The following NEDD4L variants were observed in gnomAD, a reference collection of about 807,000 sequenced individuals.
The protein encoded by NEDD4L is E3 ubiquitin-protein ligase NEDD4-like.
NEDD4L carries 54 observed loss-of-function variants against 148.9 expected under a neutral mutation model. The ratio of observed to expected loss-of-function variants is 0.36; its 90% confidence interval spans 0.29 to 0.45. The LOEUF (loss-of-function observed/expected upper bound fraction) is 0.45, where lower values mean the gene tolerates loss of function less well. Ranked by LOEUF, NEDD4L falls within the 20% of genes least tolerant of loss-of-function variation. The pLI is 1.00. For synonymous variants in NEDD4L, 433 were observed against 440.7 expected, an observed-to-expected ratio of 0.98 and a Z score of 0.22; for missense variants, 856 against 1,233.8, an observed-to-expected ratio of 0.69 and a Z score of 4.59.
intron 1 of NEDD4L, among the ~76,000 whole-genome samples, chr18:58,048,436 G>T (rs1385595573): frequency 2.6e-5 from 4 of 152,162 alleles, no homozygotes; most frequent in Admixed American, 2.6e-4. Flanking sequence ...ACTGTGTGAG[G>T]TAGGCTGTGA....
chr18:58,234,603 G>T (rs567448402), intron 2 of NEDD4L, among the ~76,000 whole-genome samples: 9 of 152,080 alleles, frequency 5.9e-5, no homozygotes, highest in African/African-American at 2.2e-4. Flanking sequence ...CCAAAGGGGC[G>T]AGATTACAGG....
intron 24 of NEDD4L, among the ~76,000 whole-genome samples, chr18:58,374,639 A>G (rs114527969): frequency 0.02 from 3,028 of 151,840 alleles, 108 homozygotes; most frequent in African/African-American, 0.07. Flanking sequence ...TGGTGTCTCC[A>G]GCCCTGTCTA....
intron 5 of NEDD4L, among the ~76,000 whole-genome samples, chr18:58,288,613 A>C (rs905916157): frequency 2.0e-5 from 3 of 152,238 alleles, no homozygotes; most frequent in African/African-American, 7.2e-5. Context: ...AGAGAAAGGA[A>C]ATTTTGGTTA....
intron 16 of NEDD4L, among the ~76,000 whole-genome samples, chr18:58,346,005 C>T (rs559847606): frequency 6.6e-6 from 1 of 151,758 alleles, no homozygotes; most frequent in East Asian, 1.9e-4. Context: ...GTGATCCTGC[C>T]GCTTCGGCCT....
At chr18:58,077,951 A>C (rs1417708695) in intron 1 of NEDD4L, among the ~76,000 whole-genome samples, 1 of 151,756 alleles carries the variant, frequency 6.6e-6, no homozygotes, top group African/African-American at 2.4e-5. Context: ...AATGCACCGG[A>C]CAGCCCCACA....
At chr18:58,240,080 G>T (rs2046456752) in intron 2 of NEDD4L, among the ~76,000 whole-genome samples, 1 of 152,132 alleles carries the variant, frequency 6.6e-6, no homozygotes, top group Admixed American at 6.5e-5. Flanking sequence ...GACTCCTTAT[G>T]ACTTCATTTT....
At position 58,389,117 on chromosome 18, in the gene NEDD4L, G is replaced by T; in HGVS notation, c.2580G>T (p.Val860=). 1 of 1,614,018 alleles carries T rather than the reference G, an allele frequency of 6.2e-7. No homozygotes were observed. The highest frequency in any genetic ancestry group is 8.5e-7 in the Non-Finnish European group (1 of 1,179,880). Residue 860 remains valine (V), a synonymous_variant, in exon 28 of 31, where the codon GTG becomes GTT. Coordinates refer to ENST00000400345, the MANE Select transcript of NEDD4L (RefSeq NM_001144967.3). ...TGTGCGGCCTCGGTGATGTGGATGTGAATGACTGGAGACAGCATTCTATTT... is the reference window on the plus strand; with the variant it reads ...TGTGCGGCCTCGGTGATGTGGATGTTAATGACTGGAGACAGCATTCTATTT... ...LLMCGLGDVD[V]NDWRQHSIYK...
At chr18:58,354,614 T>A (rs1015549714) in intron 18 of NEDD4L, among the ~76,000 whole-genome samples, 2 of 152,304 alleles carry the variant, frequency 1.3e-5, no homozygotes, top group African/African-American at 4.8e-5. Flanking sequence ...ATTAAAAAAA[T>A]AATGCACTAA....
At chr18:58,218,472 C>T (rs1357615435) in intron 2 of NEDD4L, among the ~76,000 whole-genome samples, 1 of 152,208 alleles carries the variant, frequency 6.6e-6, no homozygotes, top group Non-Finnish European at 1.5e-5. Flanking sequence ...AGCATCCTCT[C>T]CTACTGCCAG....
intron 2 of NEDD4L, among the ~76,000 whole-genome samples, chr18:58,174,530 G>A (rs542508945): frequency 1.3e-5 from 2 of 152,274 alleles, no homozygotes; most frequent in South Asian, 2.1e-4. Flanking sequence ...TTGTAGGAAG[G>A]TTGTTTCGCT....
At chr18:58,198,053 TAAAG>T (rs1196080561) in intron 2 of NEDD4L, among the ~76,000 whole-genome samples, 2 of 152,214 alleles carry the variant, frequency 1.3e-5, no homozygotes, top group East Asian at 3.9e-4. Context: ...CACCCCTACA[TAAAG>T]GAAAGAGCTG....
At chr18:58,155,294 G>T (rs1599169804) in intron 1 of NEDD4L, among the ~76,000 whole-genome samples, 1 of 140,248 alleles carries the variant, frequency 7.1e-6, no homozygotes, top group South Asian at 2.3e-4. Flanking sequence ...GAGACAATTT[G>T]ACTTTGATAG....
chr18:58,165,575 C>G (rs777759852), intron 1 of NEDD4L: 64 of 880,184 alleles, frequency 7.3e-5, no homozygotes, highest in Non-Finnish European at 8.4e-5. Flanking sequence ...GCTTAATTAA[C>G]TTGGATGTTC....
intron 1 of NEDD4L, among the ~76,000 whole-genome samples, chr18:58,126,294 G>T (rs1039086468): frequency 6.6e-6 from 1 of 152,192 alleles, no homozygotes; most frequent in African/African-American, 2.4e-5. Context: ...ATGACTTTGT[G>T]ATTCCCTGTT....
Position 58,325,039 on chromosome 18 carries a change from A to G in NEDD4L, c.557A>G (p.His186Arg), listed in dbSNP as rs752252065. 6.2e-7 allele frequency: 1 copy of G among 1,614,032 alleles called. No individual in the cohort carries two copies. The highest frequency in any genetic ancestry group is 2.2e-5 in the East Asian group (1 of 44,886). Residue 186 changes from histidine (H) to arginine (R), a missense_variant, in exon 9 of 31, where the codon CAC becomes CGC. By Grantham distance (29) the His-to-Arg change is conservative (BLOSUM62 0). This residue lies in a region of NEDD4L where 193 missense variants were observed against 244.2 expected (regional missense o/e 0.79). Coordinates refer to ENST00000400345, the MANE Select transcript of NEDD4L (RefSeq NM_001144967.3). The stretch of plus-strand genomic sequence containing the variant: ...GACTCAAATGACTCGGCTTCTCAGC[A>G]CCAAGAGGAACTTCCTCCTCCTCCT... Reference protein sequence around the residue: ...VVDSNDSASQHQEELPPPPLP... With the variant: ...VVDSNDSASQRQEELPPPPLP...
chr18:58,184,784 T>C (rs967922966), intron 2 of NEDD4L, among the ~76,000 whole-genome samples: 44 of 151,994 alleles, frequency 2.9e-4, no homozygotes, highest in African/African-American at 8.2e-4. Context: ...AAAAATTAGC[T>C]GGGCATGGCG....
At chr18:58,273,102 A>G (rs2051314066) in intron 5 of NEDD4L, among the ~76,000 whole-genome samples, 2 of 152,332 alleles carry the variant, frequency 1.3e-5, no homozygotes, top group Admixed American at 1.3e-4. Context: ...TGCGCTGGGA[A>G]GAGAGTCAGA....
At chr18:58,127,902 A>G (rs2031424578) in intron 1 of NEDD4L, among the ~76,000 whole-genome samples, 1 of 151,536 alleles carries the variant, frequency 6.6e-6, no homozygotes. Flanking sequence ...TTTGAGACAG[A>G]GTCCTGCTTT....
chr18:58,268,407 C>T (rs944148782), intron 5 of NEDD4L, among the ~76,000 whole-genome samples: 3 of 152,086 alleles, frequency 2.0e-5, no homozygotes, highest in Non-Finnish European at 4.4e-5. Context: ...AGAAAGATGG[C>T]CTCCCATCAG....
Sources: gnomAD v4.1 joint callset for allele counts (sites outside exome capture counted in the v4.1 genomes callset) on GRCh38, gnomAD v4.1.1 for gene constraint, gnomAD v4.1.1 regional missense constraint, MANE v1.5 for transcripts, NCBI Gene and HGNC (gene_info 2026-07-23, HGNC 2026-07-21) for gene names.